PTTG1IP: variants seen among roughly 807,000 people sequenced by gnomAD.
The protein encoded by PTTG1IP is pituitary tumor-transforming gene 1 protein-interacting protein.
PTTG1IP carries 16 observed loss-of-function variants against 24.4 expected under a neutral mutation model. The observed-to-expected ratio is 0.66, with a 90% CI of 0.44 to 1.00. The LOEUF (loss-of-function observed/expected upper bound fraction) is 1.00, where lower values mean the gene tolerates loss of function less well. PTTG1IP is among the 50% of genes least tolerant of loss of function. PTTG1IP has a pLI of 0.00. For missense variants in PTTG1IP, 241 were observed against 245.8 expected (o/e 0.98, Z 0.13); for synonymous variants, 89 against 96.8 (o/e 0.92, Z 0.47).
In PTTG1IP at chr21:44,867,209, T is replaced by C. The variant is rs536734155; in HGVS notation, c.116-1762A>G. 3.9e-5 allele frequency among the ~76,000 whole-genome samples: 6 copies of C among 152,288 alleles called. No homozygotes were observed. In the East Asian group the frequency reaches 1.2e-3, roughly 29 times the overall value. ...AACACAAAAGGCTGTTTTACGTGTC[T>C]CTCCTTTGGAGGTGAGCTAGGCGGC... On this transcript the variant is annotated intron_variant, in intron 1 of 5. Transcript: ENST00000330938.
intron 1 of PTTG1IP, 21 bp downstream of exon 1, chr21:44,873,481 C>A: frequency 7.3e-7 from 1 of 1,375,202 alleles, no homozygotes; most frequent in Non-Finnish European, 9.3e-7. Flanking sequence ...TTCGCGGCCC[C>A]GCCCGCCCCG....
intron 5 of PTTG1IP, among the ~76,000 whole-genome samples, chr21:44,853,642 C>T (rs569173294): frequency 8.9e-4 from 136 of 152,306 alleles, no homozygotes; most frequent in Non-Finnish European, 1.5e-3. Flanking sequence ...CATGCACTCG[C>T]TGAGGAGGGC....
At chr21:44,870,317 G>A (rs949430499) in intron 1 of PTTG1IP, among the ~76,000 whole-genome samples, 3 of 152,188 alleles carry the variant, frequency 2.0e-5, no homozygotes, top group African/African-American at 7.2e-5. Context: ...GAGGTGGGCA[G>A]ATCACCTGAG....
intron 1 of PTTG1IP, among the ~76,000 whole-genome samples, chr21:44,869,084 A>G (rs1601258851): frequency 6.6e-6 from 1 of 152,150 alleles, no homozygotes; most frequent in Non-Finnish European, 1.5e-5. Flanking sequence ...CAAAGGAAAC[A>G]CCCGGTAAGA....
intron 1 of PTTG1IP, 93 bp downstream of exon 1, chr21:44,873,409 C>G: frequency 8.6e-7 from 1 of 1,158,874 alleles, no homozygotes; most frequent in Non-Finnish European, 1.1e-6. Context: ...CCGCCGAGCC[C>G]AGCGCCCTGG....
intron 1 of PTTG1IP, among the ~76,000 whole-genome samples, chr21:44,871,115 G>A (rs1329659278): frequency 6.6e-6 from 1 of 152,180 alleles, no homozygotes; most frequent in East Asian, 1.9e-4. Context: ...CAGATATGGA[G>A]ACAAAAAAAT....
intron 1 of PTTG1IP, among the ~76,000 whole-genome samples, chr21:44,872,302 G>A (rs996696880): frequency 6.6e-6 from 1 of 152,198 alleles, no homozygotes; most frequent in Admixed American, 6.5e-5. Flanking sequence ...CACACTTGGA[G>A]GCAGGTAAGA....
intron 3 of PTTG1IP, among the ~76,000 whole-genome samples, chr21:44,860,952 T>A (rs907021239): frequency 1.3e-5 from 2 of 152,096 alleles, no homozygotes; most frequent in Admixed American, 1.3e-4. Flanking sequence ...TACAAGTGCA[T>A]GCCACCACGC....
At chr21:44,859,525 G>A (rs963171413) in intron 3 of PTTG1IP, among the ~76,000 whole-genome samples, 6 of 152,210 alleles carry the variant, frequency 3.9e-5, no homozygotes, top group African/African-American at 1.4e-4. Context: ...CATGCAGAGA[G>A]AGACTTCAGA....
chr21:44,857,221 A>G (rs1392942428), intron 3 of PTTG1IP, among the ~76,000 whole-genome samples: 2 of 152,216 alleles, frequency 1.3e-5, no homozygotes, highest in Non-Finnish European at 2.9e-5. Flanking sequence ...TCACACCTAT[A>G]ATCCCAGCAC....
intron 3 of PTTG1IP, among the ~76,000 whole-genome samples, chr21:44,858,132 G>C (rs235323): frequency 0.13 from 19,849 of 152,262 alleles, 1,395 homozygotes; most frequent in Middle Eastern, 0.16. Flanking sequence ...AAGGATGTGG[G>C]AGAGGCCTGA....
chr21:44,855,754 C>CT (rs199755501), intron 4 of PTTG1IP, among the ~76,000 whole-genome samples: 3,550 of 152,294 alleles, frequency 0.023, 76 homozygotes, highest in Non-Finnish European at 0.031. Context: ...CCACCTCCTC[C>CT]TGGGGTTGCC....
intron 3 of PTTG1IP, among the ~76,000 whole-genome samples, chr21:44,857,288 C>G (rs1000434520): frequency 6.6e-6 from 1 of 152,188 alleles, no homozygotes; most frequent in African/African-American, 2.4e-5. Flanking sequence ...ACCCGCCCAG[C>G]CAACAAAGTG....
chr21:44,852,581 C>T (rs1044214654), intron 5 of PTTG1IP, among the ~76,000 whole-genome samples: 2 of 152,064 alleles, frequency 1.3e-5, no homozygotes, highest in Non-Finnish European at 2.9e-5. Context: ...GTGGAAGAGG[C>T]GGCGGGGAAG....
chr21:44,849,661 C>T lies in PTTG1IP; in HGVS notation c.*1920G>A, dbSNP rs117944258. On this transcript the variant is annotated 3_prime_UTR_variant, in exon 6 of 6. Transcript: ENST00000330938. ...TAAGGCACTCCAAGCTTTATGGTTT[C>T]CTTGAGGTTACAGTTTTGTGGCTGC... 616 of 152,724 alleles carry T rather than the reference C, an allele frequency of 4.0e-3. 2 individuals are homozygous for T. Among genetic ancestry groups the T allele is most frequent in the Middle Eastern group, 0.037 (11 of 294 alleles). The allele number at this position is 152,724 out of a possible 1,614,324, so 9.5% of individuals were successfully genotyped here.
intron 3 of PTTG1IP, among the ~76,000 whole-genome samples, chr21:44,859,296 T>C (rs1032908079): frequency 2.6e-5 from 4 of 152,216 alleles, no homozygotes; most frequent in Non-Finnish European, 4.4e-5. Context: ...CTGACAGGAA[T>C]TGGGCCTTCT....
chr21:44,858,173 G>T (rs1424383220), intron 3 of PTTG1IP, among the ~76,000 whole-genome samples: 1 of 152,222 alleles, frequency 6.6e-6, no homozygotes, highest in Non-Finnish European at 1.5e-5. Context: ...TGGACAAACG[G>T]CCAACGCTGT....
chr21:44,860,593 T>C (rs1028865972), intron 3 of PTTG1IP, among the ~76,000 whole-genome samples: 10 of 152,146 alleles, frequency 6.6e-5, no homozygotes, highest in African/African-American at 2.2e-4. Context: ...GTCAAACACG[T>C]TGCCTTCAAA....
At chr21:44,856,996 T>C (rs2083454857) in intron 3 of PTTG1IP, among the ~76,000 whole-genome samples, 1 of 152,194 alleles carries the variant, frequency 6.6e-6, no homozygotes, top group Non-Finnish European at 1.5e-5. Context: ...CAAACCCTGT[T>C]ATGATTTCCT....
Sources: gnomAD v4.1 joint callset for allele counts (sites outside exome capture counted in the v4.1 genomes callset) on GRCh38, gnomAD v4.1.1 for gene constraint, MANE v1.5 for transcripts, NCBI Gene and HGNC (gene_info 2026-07-23, HGNC 2026-07-21) for gene names.